PCDHA8: variants seen among roughly 807,000 people sequenced by gnomAD.
PCDHA8 encodes the protein protocadherin alpha-8.
A neutral mutation model predicts 61.8 loss-of-function variants in PCDHA8; 53 were observed. The observed-to-expected ratio is 0.86, with a 90% CI of 0.69 to 1.08. The LOEUF (loss-of-function observed/expected upper bound fraction) is 1.08, where lower values mean the gene tolerates loss of function less well. Among genes scored for constraint, PCDHA8 ranks in the 50% least tolerant of loss-of-function variants. The pLI is 0.00. For missense variants in PCDHA8, 1,293 were observed against 1,245.0 expected, an observed-to-expected ratio of 1.04 and a Z score of -0.58; for synonymous variants, 618 against 556.6, an observed-to-expected ratio of 1.11 and a Z score of -1.55.
intron 1 of PCDHA8, chr5:140,877,335 G>C (rs115718636): frequency 0.047 from 75,474 of 1,613,976 alleles, 2,017 homozygotes; most frequent in Middle Eastern, 0.086. Flanking sequence ...CGCACATCCC[G>C]TTCCACGTGG....
chr5:140,996,341 C>T (rs1554255109), intron 3 of PCDHA8, among the ~76,000 whole-genome samples: 2 of 152,160 alleles, frequency 1.3e-5, no homozygotes, highest in African/African-American at 4.8e-5. Context: ...AGTTTGAAAA[C>T]CCAACCAAAG....
intron 1 of PCDHA8, chr5:140,850,691 C>A: frequency 1.3e-6 from 2 of 1,598,334 alleles, no homozygotes; most frequent in Non-Finnish European, 1.7e-6. Context: ...AGGGCGAGTG[C>A]GCGCCTGGCA....
intron 3 of PCDHA8, among the ~76,000 whole-genome samples, chr5:140,999,702 T>A (rs78322991): frequency 6.6e-6 from 1 of 152,136 alleles, no homozygotes; most frequent in South Asian, 2.1e-4. Context: ...GATTTTTTTT[T>A]AGCTAACTAC....
Position 140,876,739 on chromosome 5 carries a change from C to T in PCDHA8, c.2394+33024C>T, listed in dbSNP as rs782400807. The T allele has an allele frequency of 7.4e-6, 12 of 1,614,126 alleles. No homozygotes were observed. The South Asian group carries it at 1.1e-4, about 15-fold the overall frequency. ...CCGCGAGAGCGTGTCGGCCTATGAG[C>T]TGGTGGTGACTGCGCGGGATGGGGG... On this transcript the variant is annotated intron_variant, in intron 1 of 3. Coordinates refer to ENST00000531613, the MANE Select transcript of PCDHA8 (RefSeq NM_018911.3).
rs2150334321 is a variant in PCDHA8, at chr5:140,842,332, A to G, written c.1011A>G (p.Leu337=). ...CCATGGCGGGTCATTGCACCGTTTT[A>G]GTGAGAATTTTGGATAAAAATGATA... ...HPPMAGHCTV[L]VRILDKNDNV... The change falls in exon 1 of 4, where the codon TTA becomes TTG. Residue 337 remains leucine, a synonymous_variant. Transcript: ENST00000531613. 1.7e-5 allele frequency: 28 copies of G among 1,607,160 alleles called. No homozygotes were observed. In the East Asian group the frequency reaches 4.0e-4, roughly 23 times the overall value.
At chr5:140,854,204 A>G in intron 1 of PCDHA8, 1 of 510,702 alleles carries the variant, frequency 2.0e-6, no homozygotes, top group Non-Finnish European at 2.5e-6. Flanking sequence ...CCTACTTTTT[A>G]TTCAATATTG....
At chr5:140,862,473 A>G in intron 1 of PCDHA8, 1 of 377,242 alleles carries the variant, frequency 2.7e-6, no homozygotes. Flanking sequence ...GAGCAAATCT[A>G]TCCATTGTTG....
At chr5:140,870,385 G>C (rs548890657) in intron 1 of PCDHA8, 2 of 1,614,240 alleles carry the variant, frequency 1.2e-6, no homozygotes, top group African/African-American at 2.7e-5. Context: ...GACTGCGCGG[G>C]ATGGGGGTTC....
At chr5:140,922,437 T>C (rs1462386336) in intron 1 of PCDHA8, among the ~76,000 whole-genome samples, 1 of 152,194 alleles carries the variant, frequency 6.6e-6, no homozygotes, top group African/African-American at 2.4e-5. Flanking sequence ...GGCAGAACTC[T>C]CTCATTATCC....
chr5:140,927,451 T>C (rs782170767), intron 1 of PCDHA8: 4 of 1,614,082 alleles, frequency 2.5e-6, no homozygotes, highest in South Asian at 1.1e-5. Context: ...GGAGTTGGTG[T>C]TGGAGAAAGC....
intron 3 of PCDHA8, among the ~76,000 whole-genome samples, chr5:140,998,104 G>A (rs1554256160): frequency 6.6e-6 from 1 of 152,132 alleles, no homozygotes; most frequent in African/African-American, 2.4e-5. Context: ...GCAAACAGAG[G>A]AGAAAATTTA....
chr5:140,983,901 AT>A (rs782712573), intron 3 of PCDHA8, among the ~76,000 whole-genome samples: 20 of 152,338 alleles, frequency 1.3e-4, no homozygotes, highest in Non-Finnish European at 2.6e-4. Context: ...GCATTCGTTG[AT>A]TCTAATCAGC....
intron 1 of PCDHA8, chr5:140,863,475 C>T: frequency 2.1e-6 from 1 of 481,584 alleles, no homozygotes; most frequent in South Asian, 1.6e-5. Flanking sequence ...TGGAGAGTCG[C>T]CTCCCAAGGT....
intron 1 of PCDHA8, among the ~76,000 whole-genome samples, chr5:140,941,246 T>C (rs1332165821): frequency 7.1e-6 from 1 of 141,078 alleles, no homozygotes; most frequent in East Asian, 2.0e-4. Flanking sequence ...TTTCTTTCTT[T>C]CTTTCTTTCT....
intron 1 of PCDHA8, among the ~76,000 whole-genome samples, chr5:140,874,668 A>G (rs1424174427): frequency 6.6e-6 from 1 of 152,238 alleles, no homozygotes; most frequent in African/African-American, 2.4e-5. Context: ...TCCAGAATCT[A>G]TTCCTGAGAT....
At chr5:140,852,781 G>A (rs1213399832) in intron 1 of PCDHA8, 1 of 979,508 alleles carries the variant, frequency 1.0e-6, no homozygotes, top group African/African-American at 1.8e-5. Flanking sequence ...GATGTGAATA[G>A]AGGGATGCTA....
chr5:140,933,332 G>A (rs2089060279), intron 1 of PCDHA8, among the ~76,000 whole-genome samples: 1 of 151,968 alleles, frequency 6.6e-6, no homozygotes, highest in African/African-American at 2.4e-5. Context: ...CTGTGCTGTA[G>A]AGAAAGATAA....
rs376026810 is a variant in PCDHA8 at position 140,944,280 on chromosome 5, C to T, written c.2395-34669C>T. 2.0e-4 allele frequency among the ~76,000 whole-genome samples: 31 copies of T among 152,226 alleles called. 1 individual carries two copies. The South Asian group carries it at 2.9e-3, about 14-fold the overall frequency. Reference sequence around the variant, plus strand: ...ACTGCTCACTGCAGCCTTGACACCCCGGGCTCAAGCGATCCTCCTACCTCA... The same window carrying T: ...ACTGCTCACTGCAGCCTTGACACCCTGGGCTCAAGCGATCCTCCTACCTCA... On this transcript the variant is annotated intron_variant, in intron 1 of 3. Coordinates refer to ENST00000531613, the MANE Select transcript of PCDHA8 (RefSeq NM_018911.3).
At chr5:140,904,475 T>C (rs1034610314) in intron 1 of PCDHA8, among the ~76,000 whole-genome samples, 1 of 151,866 alleles carries the variant, frequency 6.6e-6, no homozygotes, top group Non-Finnish European at 1.5e-5. Context: ...TGGTGGCTAT[T>C]TGGTCTGATT....
Sources: allele counts gnomAD v4.1 joint callset (sites outside exome capture counted in the v4.1 genomes callset), GRCh38; gene constraint gnomAD v4.1.1; transcripts MANE v1.5; gene names NCBI Gene and HGNC (gene_info 2026-07-23, HGNC 2026-07-21).